The following STPG2 variants were observed in gnomAD, a reference collection of about 807,000 sequenced individuals.
STPG2 encodes sperm-tail PG-rich repeat-containing protein 2.
In STPG2, 56 loss-of-function variants were observed where a neutral mutation model predicts 54.2. The observed-to-expected ratio is 1.03, with a 90% confidence interval of 0.83 to 1.29. The LOEUF is 1.29. STPG2 is among the 50% of genes most tolerant of loss of function. STPG2 has a pLI of 0.00. For missense variants in STPG2, 596 were observed against 544.9 expected, an observed-to-expected ratio of 1.09 and a Z score of -0.93; for synonymous variants, 200 against 181.8, an observed-to-expected ratio of 1.10 and a Z score of -0.81.
chr4:97,740,004 G>C lies in STPG2; in HGVS notation c.1205-27190C>G, dbSNP rs971484779. On this transcript the variant is annotated intron_variant, in intron 9 of 10. Coordinates refer to ENST00000295268, the MANE Select transcript of STPG2 (RefSeq NM_174952.3). The stretch of plus-strand genomic sequence containing the variant: ...ACCGAATCCAGCAGCACATCAAAAA[G>C]CTTATCCACCATGATCAAGTGGGCT... 1.3e-5 allele frequency among the ~76,000 whole-genome samples: 2 copies of C among 151,886 alleles called. 1 individual carries two copies. The highest frequency in any genetic ancestry group is 1.3e-4 in the Admixed American group (2 of 15,254).
intron 8 of STPG2, among the ~76,000 whole-genome samples, chr4:97,875,294 A>G (rs113143488): frequency 0.025 from 3,762 of 151,938 alleles, 103 homozygotes; most frequent in African/African-American, 0.072. Flanking sequence ...CATAGCGGCT[A>G]TACATAATTG....
chr4:97,972,255 T>A lies in STPG2; in HGVS notation c.933+25A>T, dbSNP rs139143939. On this transcript the variant is annotated intron_variant, in intron 7 of 10. Transcript: ENST00000295268. Reference sequence around the variant, plus strand: ...AGAGCTTGATATTCAACATAAAGAATATTATTTTTGTATGAATGTATTACC... The same window carrying A: ...AGAGCTTGATATTCAACATAAAGAAAATTATTTTTGTATGAATGTATTACC... 5,951 of 1,468,310 alleles carry A rather than the reference T, an allele frequency of 4.1e-3. 25 individuals carry two copies. The highest frequency in any genetic ancestry group is 5.0e-3 in the Non-Finnish European group (5,493 of 1,089,294). The allele number at this position is 1,468,310 out of a possible 1,614,324, so 91.0% of individuals were successfully genotyped here.
At chr4:97,675,910 GTGTATATATA>G (rs1278176527) in intron 10 of STPG2, among the ~76,000 whole-genome samples, 1 of 145,078 alleles carries the variant, frequency 6.9e-6, no homozygotes, top group Non-Finnish European at 1.5e-5. Flanking sequence ...TATATATATA[GTGTATATATA>G]TACATATATG....
rs1737707436 is a variant in STPG2, at chr4:98,062,882, G to A, written c.612+43071C>T. 2.0e-5 allele frequency among the ~76,000 whole-genome samples: 3 copies of A among 151,926 alleles called. No individual in the cohort carries two copies. In the South Asian group the frequency reaches 6.2e-4, roughly 32 times the overall value. ...AGAATTCATTAAACTGCCTAAAGTAGTAATTATATAGTTATTATCTTCTTT... is the reference window on the plus strand; with the variant it reads ...AGAATTCATTAAACTGCCTAAAGTAATAATTATATAGTTATTATCTTCTTT... On this transcript the variant is annotated intron_variant, in intron 5 of 10. Transcript: ENST00000295268.
At chr4:97,981,037 C>T (rs1445108337) in intron 6 of STPG2, 122 bp downstream of exon 6, 39 of 1,027,416 alleles carry the variant, frequency 3.8e-5, no homozygotes, top group Non-Finnish European at 4.9e-5. Context: ...AAAATGTTGA[C>T]TTAAAATGAC....
chr4:98,059,169 A>G (rs79443791), intron 5 of STPG2, among the ~76,000 whole-genome samples: 3,945 of 152,212 alleles, frequency 0.026, 178 homozygotes, highest in African/African-American at 0.089. Context: ...CAATGTTACC[A>G]CTGATGCCAC....
At chr4:97,508,936 T>C (rs1391386453) in intron 4 of STPG2, among the ~76,000 whole-genome samples, 3 of 152,242 alleles carry the variant, frequency 2.0e-5, no homozygotes, top group Middle Eastern at 3.4e-3. Context: ...TGCTACACTG[T>C]TTTCATTGTC....
At chr4:97,927,738 G>C (rs1732390796) in intron 8 of STPG2, among the ~76,000 whole-genome samples, 1 of 151,886 alleles carries the variant, frequency 6.6e-6, no homozygotes, top group South Asian at 2.1e-4. Flanking sequence ...TTTGAATTCT[G>C]GCTCTGCAAC....
At position 97,965,961 on chromosome 4, in the gene STPG2, C is replaced by T. The variant is rs565629870; in HGVS notation, c.933+6319G>A. Among the ~76,000 whole-genome samples, 9 of 152,286 alleles carry T rather than the reference C, an allele frequency of 5.9e-5. No homozygotes were observed. In the South Asian group the frequency reaches 1.2e-3, roughly 21 times the overall value. ...TCTAAAAACCAGAGTGCCTCTTCTC[C>T]TCTAAAGGATTGCAGATCCTCAACA... On this transcript the variant is annotated intron_variant, in intron 7 of 10. Coordinates refer to ENST00000295268, the MANE Select transcript of STPG2 (RefSeq NM_174952.3).
chr4:97,662,171 C>A (rs1226442224), intron 10 of STPG2, among the ~76,000 whole-genome samples: 2 of 151,900 alleles, frequency 1.3e-5, no homozygotes, highest in African/African-American at 2.4e-5. Flanking sequence ...AGAAATTAAA[C>A]AAATCAATAA....
intron 10 of STPG2, among the ~76,000 whole-genome samples, chr4:97,565,138 T>C (rs1398374596): frequency 6.6e-6 from 1 of 152,182 alleles, no homozygotes; most frequent in Admixed American, 6.5e-5. Context: ...CGTTTCTTTT[T>C]ATTCTTTTTT....
intron 5 of STPG2, among the ~76,000 whole-genome samples, chr4:98,099,635 A>G (rs13138920): frequency 0.4 from 60,137 of 152,012 alleles, 12,133 homozygotes; most frequent in Middle Eastern, 0.47. Context: ...ATTTGATTGT[A>G]TAACTCAAAG....
chr4:98,104,905 C>G (rs902810989), intron 5 of STPG2, among the ~76,000 whole-genome samples: 2 of 152,126 alleles, frequency 1.3e-5, no homozygotes, highest in African/African-American at 4.8e-5. Flanking sequence ...CCCAAGATAT[C>G]TAGTATTACC....
At position 97,710,085 on chromosome 4, in the gene STPG2, T is replaced by C. The variant is rs533532955; in HGVS notation, c.1320+2614A>G. 1.7e-3 allele frequency among the ~76,000 whole-genome samples: 262 copies of C among 150,406 alleles called. 2 individuals are homozygous for C. Among genetic ancestry groups the C allele is most frequent in the African/African-American group, 6.0e-3 (244 of 40,894 alleles). ...CTCAGTTGAAATTATAAGTGAACTT[T>C]TATAGATTAATAAACCTTCTAAAAT... is the stretch of plus-strand genomic sequence containing the variant. On this transcript the variant is annotated intron_variant, in intron 10 of 10. Coordinates refer to ENST00000295268, the MANE Select transcript of STPG2 (RefSeq NM_174952.3).
At chr4:97,488,920 CAGAT>C (rs1730436909) in intron 4 of STPG2, among the ~76,000 whole-genome samples, 1 of 151,560 alleles carries the variant, frequency 6.6e-6, no homozygotes, top group Admixed American at 6.6e-5. Flanking sequence ...AATAGATAGA[CAGAT>C]AGATGGTGAC....
chr4:97,953,783 A>T (rs1733561291), intron 7 of STPG2, among the ~76,000 whole-genome samples: 1 of 152,194 alleles, frequency 6.6e-6, no homozygotes, highest in African/African-American at 2.4e-5. Flanking sequence ...GAAGTTTTTC[A>T]CATGGCTCAC....
chr4:97,720,350 TGA>T (rs1207989085), intron 9 of STPG2, among the ~76,000 whole-genome samples: 5 of 152,040 alleles, frequency 3.3e-5, no homozygotes, highest in Non-Finnish European at 2.9e-5. Context: ...GGAATATCCC[TGA>T]GAGGGTAGAA....
At chr4:97,694,762 G>A (rs1212956473) in intron 10 of STPG2, among the ~76,000 whole-genome samples, 3 of 126,824 alleles carry the variant, frequency 2.4e-5, no homozygotes, top group Non-Finnish European at 3.2e-5. Context: ...GCAGTGAGCC[G>A]AGATCATGCC....
At chr4:98,018,762 T>C (rs555213025) in intron 5 of STPG2, among the ~76,000 whole-genome samples, 2 of 152,140 alleles carry the variant, frequency 1.3e-5, no homozygotes, top group African/African-American at 2.4e-5. Context: ...ATTTCCCTGA[T>C]GGCCAGTGAT....
Sources: allele counts gnomAD v4.1 joint callset (sites outside exome capture counted in the v4.1 genomes callset), GRCh38; gene constraint gnomAD v4.1.1; transcripts MANE v1.5; gene names NCBI Gene and HGNC (gene_info 2026-07-23, HGNC 2026-07-21).